The following SHROOM3 variants were observed in gnomAD, a reference collection of about 807,000 sequenced individuals.
SHROOM3 encodes shroom family member 3.
Under a neutral mutation model 138.6 loss-of-function variants are expected in SHROOM3, and 47 were observed. The observed-to-expected ratio is 0.34, with a 90% CI of 0.27 to 0.43. SHROOM3 has a LOEUF of 0.43. Among genes scored for constraint, SHROOM3 ranks in the 20% least tolerant of loss-of-function variants. SHROOM3 has a pLI of 1.00. For missense variants in SHROOM3, 2,491 were observed against 2,596.5 expected, an observed-to-expected ratio of 0.96 and a Z score of 0.88; for synonymous variants, 1,062 against 1,063.3, an observed-to-expected ratio of 1.00 and a Z score of 0.02.
chr4:76,541,551 G>C (rs1373387482), intron 1 of SHROOM3, among the ~76,000 whole-genome samples: 1 of 151,874 alleles, frequency 6.6e-6, no homozygotes, highest in Non-Finnish European at 1.5e-5. Flanking sequence ...TAACGGCAGG[G>C]GCTTGGGGAA....
chr4:76,614,072 A>G (rs1164951814), intron 2 of SHROOM3, among the ~76,000 whole-genome samples: 4 of 150,356 alleles, frequency 2.7e-5, no homozygotes, highest in Non-Finnish European at 5.9e-5. Context: ...TTTGTTTGAG[A>G]CAGAGTCTCT....
intron 2 of SHROOM3, among the ~76,000 whole-genome samples, chr4:76,668,615 G>A (rs1168484121): frequency 1.3e-5 from 2 of 152,102 alleles, no homozygotes; most frequent in Non-Finnish European, 2.9e-5. Flanking sequence ...AAAAAACTAA[G>A]AGGCATACAT....
At chr4:76,724,891 A>C (rs1278081877) in intron 3 of SHROOM3, among the ~76,000 whole-genome samples, 1 of 152,156 alleles carries the variant, frequency 6.6e-6, no homozygotes, top group Non-Finnish European at 1.5e-5. Flanking sequence ...CATTTGCTAG[A>C]TGTTGTCAAA....
intron 1 of SHROOM3, among the ~76,000 whole-genome samples, chr4:76,449,347 CTGTTTTTTTAAGTCCAGAATATT>C (rs536905496): frequency 1.9e-4 from 29 of 152,282 alleles, no homozygotes; most frequent in African/African-American, 6.7e-4. Context: ...GGATACATAA[CTGTTTTTTTAAGTCCAGAATATT>C]TGACAATATA....
intron 2 of SHROOM3, among the ~76,000 whole-genome samples, chr4:76,630,042 A>C (rs903540418): frequency 3.3e-5 from 5 of 151,778 alleles, no homozygotes; most frequent in African/African-American, 1.2e-4. Flanking sequence ...CCTCTGGCCA[A>C]GTTGATCTTG....
intron 1 of SHROOM3, among the ~76,000 whole-genome samples, chr4:76,502,820 G>A (rs1043740021): frequency 3.3e-5 from 5 of 152,202 alleles, no homozygotes; most frequent in Admixed American, 6.5e-5. Flanking sequence ...TGTGTGTGAT[G>A]TGAGATTAGA....
chr4:76,566,108 C>CAAAAAA (rs1170771360), intron 2 of SHROOM3, among the ~76,000 whole-genome samples: 2 of 59,342 alleles, frequency 3.4e-5, no homozygotes, highest in Admixed American at 1.7e-4. Context: ...AACCCTGTCT[C>CAAAAAA]AAAAAAAAAA....
chr4:76,717,111 G>A (rs994813207), intron 3 of SHROOM3, among the ~76,000 whole-genome samples: 1 of 152,062 alleles, frequency 6.6e-6, no homozygotes, highest in African/African-American at 2.4e-5. Context: ...AATCTATGTT[G>A]GTGTTTTTTG....
At chr4:76,762,836 A>C (rs2110149811) in intron 9 of SHROOM3, among the ~76,000 whole-genome samples, 1 of 152,110 alleles carries the variant, frequency 6.6e-6, no homozygotes, top group South Asian at 2.1e-4. Flanking sequence ...AGACACATGG[A>C]CTCTACTGGG....
rs372486641 is a variant in SHROOM3 at position 76,617,021 on chromosome 4, T to C, written c.323+61258T>C. 5.1e-4 allele frequency among the ~76,000 whole-genome samples: 78 copies of C among 152,316 alleles called. 1 individual carries two copies. In the South Asian group the frequency reaches 0.016, roughly 31 times the overall value. ...TGTGTATTTAAAAATCAACCTACTT[T>C]GCATTTGAAAGGTGAAGTAGCACTG... On this transcript the variant is annotated intron_variant, in intron 2 of 10. Transcript: ENST00000296043.
At chr4:76,462,702 C>T (rs979096489) in intron 1 of SHROOM3, among the ~76,000 whole-genome samples, 7 of 148,750 alleles carry the variant, frequency 4.7e-5, no homozygotes, top group Admixed American at 2.7e-4. Context: ...CTCTCTCTCC[C>T]TCTCCCTCTC....
intron 1 of SHROOM3, among the ~76,000 whole-genome samples, chr4:76,468,701 T>C (rs1731298211): frequency 6.6e-6 from 1 of 152,038 alleles, no homozygotes; most frequent in Non-Finnish European, 1.5e-5. Flanking sequence ...TTTTGTTTGT[T>C]AATAGTGATT....
At chr4:76,745,945 C>G (rs572721153) in intron 5 of SHROOM3, among the ~76,000 whole-genome samples, 1 of 152,328 alleles carries the variant, frequency 6.6e-6, no homozygotes, top group South Asian at 2.1e-4. Context: ...AGCGCCACTT[C>G]CCTCCAGCCT....
chr4:76,766,481 G>A (rs569256450), intron 9 of SHROOM3, among the ~76,000 whole-genome samples: 31 of 152,312 alleles, frequency 2.0e-4, no homozygotes, highest in African/African-American at 7.0e-4. Flanking sequence ...GGAAGAACTC[G>A]TATAAATAGC....
chr4:76,749,182 G>GACATCACATT, intron 6 of SHROOM3, 92 bp downstream of exon 6: 3 of 1,172,970 alleles, frequency 2.6e-6, no homozygotes, highest in Non-Finnish European at 3.8e-6. Context: ...GAAATGTGAT[G>GACATCACATT]TCATATAGTG....
chr4:76,477,952 T>A (rs1731523460), intron 1 of SHROOM3, among the ~76,000 whole-genome samples: 2 of 152,264 alleles, frequency 1.3e-5, no homozygotes, highest in South Asian at 4.1e-4. Context: ...GCCCAGACAT[T>A]ATGCTTTTCC....
intron 2 of SHROOM3, among the ~76,000 whole-genome samples, chr4:76,690,577 C>T (rs972493853): frequency 6.6e-6 from 1 of 152,174 alleles, no homozygotes; most frequent in East Asian, 1.9e-4. Flanking sequence ...GTTTTAAAGC[C>T]TAGTTAAATG....
intron 2 of SHROOM3, among the ~76,000 whole-genome samples, chr4:76,592,305 C>T (rs965053983): frequency 6.6e-6 from 1 of 152,110 alleles, no homozygotes; most frequent in South Asian, 2.1e-4. Flanking sequence ...TGAAAAAATC[C>T]TAGGAGAACT....
At chr4:76,745,046 G>A (rs1721392753) in intron 5 of SHROOM3, among the ~76,000 whole-genome samples, 1 of 152,174 alleles carries the variant, frequency 6.6e-6, no homozygotes, top group Non-Finnish European at 1.5e-5. Flanking sequence ...TCCTCAGCCA[G>A]CTTGAAATCC....
Sources: allele counts gnomAD v4.1 joint callset (sites outside exome capture counted in the v4.1 genomes callset), GRCh38; gene constraint gnomAD v4.1.1; transcripts MANE v1.5; gene names NCBI Gene and HGNC (gene_info 2026-07-23, HGNC 2026-07-21).